ROCK2: variants seen among roughly 807,000 people sequenced by gnomAD.
ROCK2 encodes the protein Rho associated coiled-coil containing protein kinase 2.
ROCK2 carries 61 observed loss-of-function variants against 195.1 expected under a neutral mutation model. That is an observed-to-expected ratio of 0.31 (90% CI 0.25 to 0.39). ROCK2 has a LOEUF of 0.39. Ranked by LOEUF, ROCK2 falls within the 10% of genes least tolerant of loss-of-function variation. The probability of loss-of-function intolerance (pLI) is 1.00; values close to 1 mark genes in which losing one functional copy is unlikely to be tolerated. For missense variants in ROCK2, 1,109 were observed against 1,637.4 expected (o/e 0.68, Z 5.57); for synonymous variants, 504 against 545.5 (o/e 0.92, Z 1.06).
chr2:11,326,694 A>G (rs1019543629), intron 1 of ROCK2, among the ~76,000 whole-genome samples: 4 of 152,204 alleles, frequency 2.6e-5, no homozygotes, highest in African/African-American at 4.8e-5. Context: ...CAGAATTAAG[A>G]GAGAGATTAA....
intron 1 of ROCK2, among the ~76,000 whole-genome samples, chr2:11,317,612 A>ATATATATATATATAT (rs59701503): frequency 5.2e-5 from 1 of 19,300 alleles, no homozygotes; most frequent in African/African-American, 1.6e-4. Flanking sequence ...ATATATATAT[A>ATATATATATATATAT]TTTTTTTTTT....
At chr2:11,251,379 G>T (rs1665826725) in intron 3 of ROCK2, among the ~76,000 whole-genome samples, 1 of 152,222 alleles carries the variant, frequency 6.6e-6, no homozygotes, top group Admixed American at 6.5e-5. Flanking sequence ...GGCACTGTGT[G>T]TTTTGATACA....
At chr2:11,343,969 G>A in intron 1 of ROCK2, 27 bp downstream of exon 1, 2 of 1,583,388 alleles carry the variant, frequency 1.3e-6, no homozygotes, top group South Asian at 2.2e-5. Flanking sequence ...GCTGCAACGA[G>A]CAAGCTCCCA....
chr2:11,314,834 A>G (rs1261953694), intron 1 of ROCK2, among the ~76,000 whole-genome samples: 1 of 152,026 alleles, frequency 6.6e-6, no homozygotes, highest in African/African-American at 2.4e-5. Flanking sequence ...TCTCCTGTGA[A>G]AAGAGCTGCA....
intron 3 of ROCK2, among the ~76,000 whole-genome samples, chr2:11,285,773 G>C (rs1667167187): frequency 6.6e-6 from 1 of 152,106 alleles, no homozygotes; most frequent in South Asian, 2.1e-4. Context: ...ACTGCAGTGA[G>C]CCAAGATTGT....
At chr2:11,296,084 C>G (rs1299369365) in intron 1 of ROCK2, among the ~76,000 whole-genome samples, 4 of 142,260 alleles carry the variant, frequency 2.8e-5, no homozygotes, top group African/African-American at 7.9e-5. Flanking sequence ...ATAACCTACA[C>G]TTCATGGACA....
At chr2:11,194,462 A>T (rs1469264839) in intron 28 of ROCK2, 118 bp from the exon 29 acceptor site, 1 of 393,070 alleles carries the variant, frequency 2.5e-6, no homozygotes, top group Non-Finnish European at 4.7e-6. Flanking sequence ...TAAGTAACTA[A>T]AAAGTATTTA....
chr2:11,194,425 A>T lies in ROCK2; in HGVS notation c.3520-81T>A, dbSNP rs1572225023. ...ATTGATTTTTTTGAAAATAAATTCT[A>T]TATTAGCAATAAAAATCATAAAATA... On this transcript the variant is annotated intron_variant, in intron 28 of 32. Coordinates refer to ENST00000315872, the MANE Select transcript of ROCK2 (RefSeq NM_004850.5). 3 of 471,612 alleles carry T rather than the reference A, an allele frequency of 6.4e-6. No individual in the cohort carries two copies. In the East Asian group the frequency reaches 1.1e-4, roughly 17 times the overall value. The allele number at this position is 471,612 out of a possible 1,614,324, so 29.2% of individuals were successfully genotyped here. A position where few individuals can be genotyped will look rare whatever the true frequency, so the allele number is the denominator to read the frequency against.
intron 4 of ROCK2, among the ~76,000 whole-genome samples, chr2:11,246,555 G>A (rs754645881): frequency 7.9e-5 from 12 of 151,994 alleles, no homozygotes; most frequent in Non-Finnish European, 1.3e-4. Context: ...CTCTCTACCC[G>A]CAAATGAATA....
At chr2:11,208,029 C>G in intron 19 of ROCK2, 119 bp from the exon 20 acceptor site, 1 of 594,580 alleles carries the variant, frequency 1.7e-6, no homozygotes, top group Non-Finnish European at 2.5e-6. Flanking sequence ...GTAGCTAATT[C>G]ATTTCATACT....
At chr2:11,193,696 C>A in intron 30 of ROCK2, 83 bp downstream of exon 30, 1 of 695,878 alleles carries the variant, frequency 1.4e-6, no homozygotes, top group South Asian at 1.8e-5. Flanking sequence ...AGAGATTTAA[C>A]ATGTCATGTC....
chr2:11,192,707 C>G lies in ROCK2; in HGVS notation c.3693G>C (p.Leu1231=). The change falls in exon 31 of 33, where the codon CTG becomes CTC. Residue 1231 remains leucine (L), a synonymous_variant. Transcript: ENST00000315872. This position sits in a 1 kb window ranked among gnomAD's most constrained non-coding sequence, Gnocchi z 5.0. Reference sequence around the variant, plus strand: ...TCTTACTTTCTCCTTCATTGGCATACAGAATCTATGAATGCCAAAAGAACA... The same window carrying G: ...TCTTACTTTCTCCTTCATTGGCATAGAGAATCTATGAATGCCAAAAGAACA... The part of the protein sequence containing the change: ...AKEIPRIFQI[L]YANEGESKKE... The G allele has an allele frequency of 1.9e-6, 3 of 1,610,990 alleles. No individual in the cohort carries two copies. Among genetic ancestry groups the G allele is most frequent in the Non-Finnish European group, 2.5e-6 (3 of 1,178,800 alleles).
intron 1 of ROCK2, among the ~76,000 whole-genome samples, chr2:11,336,253 A>C (rs1426621307): frequency 1.3e-5 from 2 of 152,158 alleles, no homozygotes; most frequent in African/African-American, 2.4e-5. Flanking sequence ...ACTAAAAAGA[A>C]ATGACTTTTT....
At chr2:11,256,231 T>C (rs773378004) in intron 3 of ROCK2, among the ~76,000 whole-genome samples, 4 of 151,326 alleles carry the variant, frequency 2.6e-5, no homozygotes, top group Non-Finnish European at 4.4e-5. Context: ...CAAATTGTAA[T>C]TCCCAGTGTT....
chr2:11,344,226 C>T lies in ROCK2; in HGVS notation c.-90G>A. 7.6e-7 allele frequency: 1 copy of T among 1,323,290 alleles called. No individual in the cohort carries two copies. The allele number at this position is 1,323,290 out of a possible 1,614,324, so 82.0% of individuals were successfully genotyped here. On this transcript the variant is annotated 5_prime_UTR_variant, in exon 1 of 33. Transcript: ENST00000315872. This position sits in a 1 kb window ranked among gnomAD's most constrained non-coding sequence, Gnocchi z 5.4. ...ACCGCCCCCGAACCACCAGCTCCGG[C>T]CGGGACTCCACCCGGGCCCACCGCC...
chr2:11,286,009 A>C, intron 3 of ROCK2, among the ~76,000 whole-genome samples: 1 of 151,618 alleles, frequency 6.6e-6, no homozygotes, highest in Non-Finnish European at 1.5e-5. Context: ...TAATTTAACT[A>C]TAAGGACAAT....
chr2:11,243,679 G>A (rs1242201183), intron 4 of ROCK2, among the ~76,000 whole-genome samples: 2 of 152,036 alleles, frequency 1.3e-5, no homozygotes, highest in Non-Finnish European at 2.9e-5. Flanking sequence ...CCTCCAAACT[G>A]TCAAGGTCAT....
chr2:11,237,699 A>G (rs1665259539), intron 4 of ROCK2, among the ~76,000 whole-genome samples: 1 of 152,252 alleles, frequency 6.6e-6, no homozygotes. Flanking sequence ...TATGGCAGAC[A>G]AGAAAACAAA....
intron 1 of ROCK2, among the ~76,000 whole-genome samples, chr2:11,320,508 G>C (rs1483502055): frequency 7.5e-6 from 1 of 133,418 alleles, no homozygotes; most frequent in East Asian, 2.8e-4. Flanking sequence ...ACATTTTTTT[G>C]CCTTGTCACC....
Sources: allele counts gnomAD v4.1 joint callset (sites outside exome capture counted in the v4.1 genomes callset), GRCh38; gene constraint gnomAD v4.1.1; non-coding constraint Gnocchi (gnomAD v3.1); transcripts MANE v1.5; gene names NCBI Gene and HGNC (gene_info 2026-07-23, HGNC 2026-07-21).